L3MBTL4: variants seen among roughly 807,000 people sequenced by gnomAD.
The protein encoded by L3MBTL4 is L3MBTL histone methyl-lysine binding protein 4.
In L3MBTL4, 70 loss-of-function variants were observed where a neutral mutation model predicts 84.5. The observed-to-expected ratio is 0.83, with a 90% confidence interval of 0.68 to 1.01. The LOEUF (loss-of-function observed/expected upper bound fraction) is 1.01, where lower values mean the gene tolerates loss of function less well. L3MBTL4 is among the 50% of genes least tolerant of loss of function. The probability of loss-of-function intolerance (pLI) is 0.00; values close to 1 mark genes in which losing one functional copy is unlikely to be tolerated. For synonymous variants in L3MBTL4, 274 were observed against 259.8 expected, an observed-to-expected ratio of 1.05 and a Z score of -0.52; for missense variants, 715 against 754.8, an observed-to-expected ratio of 0.95 and a Z score of 0.62.
At chr18:6,031,904 G>A (rs1433455853) in intron 16 of L3MBTL4, 1 of 884,764 alleles carries the variant, frequency 1.1e-6, no homozygotes. Flanking sequence ...TGGGCTTTTA[G>A]AGTAATGGTC....
chr18:6,208,711 T>C (rs116368028), intron 12 of L3MBTL4, among the ~76,000 whole-genome samples: 4,049 of 152,328 alleles, frequency 0.027, 64 homozygotes, highest in Middle Eastern at 0.051. Flanking sequence ...GGCTTTCAGA[T>C]ATAACAGCAC....
At chr18:6,001,136 C>T (rs1226123559) in intron 16 of L3MBTL4, among the ~76,000 whole-genome samples, 1 of 152,210 alleles carries the variant, frequency 6.6e-6, no homozygotes, top group East Asian at 1.9e-4. Context: ...CAATAAGTAC[C>T]TTGTCCTCCA....
At chr18:6,305,292 C>A (rs542597701) in intron 3 of L3MBTL4, among the ~76,000 whole-genome samples, 38 of 152,186 alleles carry the variant, frequency 2.5e-4, no homozygotes, top group Non-Finnish European at 4.9e-4. Context: ...AGCTATTTAA[C>A]TTTGAACAAA....
intron 12 of L3MBTL4, among the ~76,000 whole-genome samples, chr18:6,190,996 G>A (rs374903331): frequency 1.3e-5 from 2 of 152,176 alleles, no homozygotes; most frequent in African/African-American, 4.8e-5. Flanking sequence ...AAGAGTTAAG[G>A]TCAGAGGGGG....
chr18:6,056,500 G>T (rs1249412022), intron 16 of L3MBTL4, among the ~76,000 whole-genome samples: 5 of 152,144 alleles, frequency 3.3e-5, no homozygotes, highest in African/African-American at 1.2e-4. Flanking sequence ...TCTGAGTGCT[G>T]GTCAGACCTT....
intron 1 of L3MBTL4, among the ~76,000 whole-genome samples, chr18:6,348,536 C>A (rs1488695066): frequency 6.6e-6 from 1 of 151,870 alleles, no homozygotes; most frequent in Non-Finnish European, 1.5e-5. Context: ...CCAATATAAC[C>A]CATACACCAA....
chr18:6,158,255 T>A (rs1408307078), intron 13 of L3MBTL4, among the ~76,000 whole-genome samples: 1 of 152,360 alleles, frequency 6.6e-6, no homozygotes, highest in Non-Finnish European at 1.5e-5. Context: ...ATATTGTATT[T>A]TGCACTGCGG....
intron 16 of L3MBTL4, chr18:6,031,853 T>C (rs201594322): frequency 1.0e-6 from 1 of 983,296 alleles, no homozygotes. Flanking sequence ...CAGGCACAAG[T>C]ACAGTTTTGT....
chr18:6,037,826 G>A (rs573418890), intron 16 of L3MBTL4, among the ~76,000 whole-genome samples: 1 of 152,288 alleles, frequency 6.6e-6, no homozygotes, highest in East Asian at 1.9e-4. Flanking sequence ...AATCATATAG[G>A]AGAGGCTTAA....
rs113403453 is a variant in L3MBTL4 at position 6,122,780 on chromosome 18, G to A, written c.1199+15414C>T. The stretch of plus-strand genomic sequence containing the variant: ...TTATAGCCATTATCTTTAAAGAATG[G>A]TGTTTATCCAAAAATTTAAGAAAAC... On this transcript the variant is annotated intron_variant, in intron 14 of 18. Transcript: ENST00000317931. Among the ~76,000 whole-genome samples the A allele has an allele frequency of 3.6e-3, 547 of 152,230 alleles. 4 individuals carry two copies. The highest frequency in any genetic ancestry group is 0.012 in the African/African-American group (510 of 41,522).
chr18:6,284,294 C>T (rs569718662), intron 4 of L3MBTL4, among the ~76,000 whole-genome samples: 4 of 152,326 alleles, frequency 2.6e-5, no homozygotes, highest in African/African-American at 9.6e-5. Context: ...AACAGCAAAG[C>T]CACATCACCA....
intron 16 of L3MBTL4, among the ~76,000 whole-genome samples, chr18:6,052,014 G>T (rs540282498): frequency 4.1e-4 from 63 of 152,146 alleles, no homozygotes; most frequent in Non-Finnish European, 7.9e-4. Context: ...TTTGGCTATT[G>T]AGCTCTGAGG....
intron 1 of L3MBTL4, among the ~76,000 whole-genome samples, chr18:6,379,333 G>A (rs1021469806): frequency 1.3e-5 from 2 of 152,030 alleles, no homozygotes; most frequent in African/African-American, 4.8e-5. Flanking sequence ...TCATTGCCCT[G>A]GCCAGAACTT....
At chr18:6,045,855 C>G (rs530355462) in intron 16 of L3MBTL4, among the ~76,000 whole-genome samples, 178 of 152,308 alleles carry the variant, frequency 1.2e-3, no homozygotes, top group African/African-American at 4.2e-3. Flanking sequence ...CAGCTAACAA[C>G]TTCGCAGTAG....
chr18:6,148,447 G>T (rs1395528732), intron 13 of L3MBTL4, among the ~76,000 whole-genome samples: 1 of 151,754 alleles, frequency 6.6e-6, no homozygotes, highest in Non-Finnish European at 1.5e-5. Flanking sequence ...CTTTTTATGA[G>T]ACTTGTTGGC....
Position 6,003,063 on chromosome 18 carries a change from TC to T in L3MBTL4, c.1445-33502del, listed in dbSNP as rs2054291390. On this transcript the variant is annotated intron_variant, in intron 16 of 18. Transcript: ENST00000317931. ...GAGATACTATATAAAATATAGTATC[TC>T]TATTTATAGAGATACTATATAAAAT... is the stretch of plus-strand genomic sequence containing the variant. 7.1e-5 allele frequency among the ~76,000 whole-genome samples: 8 copies of T among 112,018 alleles called. No individual in the cohort carries two copies. The Admixed American group carries it at 8.5e-4, about 12-fold the overall frequency. The allele number at this position is 112,018 out of a possible 152,430, so 73.5% of individuals were successfully genotyped here. A position where few individuals can be genotyped will look rare whatever the true frequency, so the allele number is the denominator to read the frequency against.
At chr18:6,006,023 A>AC (rs2054465985) in intron 16 of L3MBTL4, among the ~76,000 whole-genome samples, 1 of 151,770 alleles carries the variant, frequency 6.6e-6, no homozygotes, top group Non-Finnish European at 1.5e-5. Flanking sequence ...AAAAAAAAAA[A>AC]CAGAAGACAC....
rs565063047 is a variant in L3MBTL4 at position 6,165,484 on chromosome 18, C to T, written c.1096+6344G>A. Reference sequence around the variant, plus strand: ...CCCGTCAGACTAACAACTGATCTCTCGGCAGAAATTCTACAAGCCAGAAGA... The same window carrying T: ...CCCGTCAGACTAACAACTGATCTCTTGGCAGAAATTCTACAAGCCAGAAGA... On this transcript the variant is annotated intron_variant, in intron 13 of 18. Transcript: ENST00000317931. Among the ~76,000 whole-genome samples the T allele has an allele frequency of 4.6e-5, 7 of 152,230 alleles. No homozygotes were observed. In the East Asian group the frequency reaches 5.8e-4, roughly 13 times the overall value.
intron 1 of L3MBTL4, among the ~76,000 whole-genome samples, chr18:6,375,507 C>G (rs2054328525): frequency 6.6e-6 from 1 of 152,108 alleles, no homozygotes; most frequent in African/African-American, 2.4e-5. Flanking sequence ...GCAACCACCA[C>G]CCCGATCCCA....
Sources: allele counts gnomAD v4.1 joint callset (sites outside exome capture counted in the v4.1 genomes callset), GRCh38; gene constraint gnomAD v4.1.1; transcripts MANE v1.5; gene names NCBI Gene and HGNC (gene_info 2026-07-23, HGNC 2026-07-21).